Variants in TMEM63B observed in about 807,000 individuals in gnomAD.
TMEM63B encodes transmembrane protein 63B.
Under a neutral mutation model 102.6 loss-of-function variants are expected in TMEM63B, and 23 were observed. The observed-to-expected ratio is 0.22, with a 90% confidence interval of 0.16 to 0.32. The LOEUF (loss-of-function observed/expected upper bound fraction) is 0.32, where lower values mean the gene tolerates loss of function less well. Ranked by LOEUF, TMEM63B falls within the 10% of genes least tolerant of loss-of-function variation. The pLI, the probability that TMEM63B is intolerant of heterozygous loss-of-function variation, is 1.00. For synonymous variants in TMEM63B, 444 were observed against 437.0 expected (o/e 1.02, Z -0.20); for missense variants, 628 against 1,095.9 (o/e 0.57, Z 6.03).
At chr6:44,131,734 A>G (rs201584677) in intron 1 of TMEM63B, among the ~76,000 whole-genome samples, 43 of 146,844 alleles carry the variant, frequency 2.9e-4, no homozygotes, top group Non-Finnish European at 4.3e-4. Flanking sequence ...ATACACAACA[A>G]CCCCCCCAAA....
intron 4 of TMEM63B, 135 bp from the exon 5 acceptor site, chr6:44,136,214 C>A (rs1762918470): frequency 2.9e-6 from 2 of 686,524 alleles, no homozygotes; most frequent in Non-Finnish European, 5.2e-6. Context: ...GGCAGTCATT[C>A]CTCTCTGCTT....
At chr6:44,127,204 G>GGACCCCCCCCTCCCCGTCGC, upstream of TMEM63B, 1 of 145,154 alleles carries the variant, frequency 6.9e-6, no homozygotes, top group Non-Finnish European at 1.5e-5. Flanking sequence ...CTCCCCGTCG[G>GGACCCCCCCCTCCCCGTCGC]GACCCCTCCC....
At chr6:44,154,229 G>A (rs763603336) in intron 22 of TMEM63B, 41 bp downstream of exon 22, 3 of 1,606,814 alleles carry the variant, frequency 1.9e-6, no homozygotes, top group South Asian at 2.2e-5. Flanking sequence ...GCGGGCAGGA[G>A]CTCAAGGGGA....
chr6:44,146,977 G>A, intron 11 of TMEM63B, 50 bp downstream of exon 11: 1 of 1,591,258 alleles, frequency 6.3e-7, no homozygotes, highest in Non-Finnish European at 8.6e-7. Context: ...CCCTGCCATT[G>A]TGGAGGACAT....
rs1288874145 is a variant in TMEM63B, at chr6:44,139,726, T to C, written c.569T>C (p.Phe190Ser). The C allele has an allele frequency of 6.2e-7, 1 of 1,614,038 alleles. No homozygotes were observed. The highest frequency in any genetic ancestry group is 8.5e-7 in the Non-Finnish European group (1 of 1,180,012). Residue 190 changes from phenylalanine to serine, a missense_variant, in exon 8 of 24, where the codon TTT becomes TCT. Phe to Ser is a radical substitution (Grantham distance 155). Around this residue, in one of 6 missense-constraint regions of TMEM63B, gnomAD observed 336 missense variants for 580.3 expected, o/e 0.58. Transcript: ENST00000323267. ...GDLLENNAYS[F>S]GRTTIANLKS... ...CCCACAGAGAACAATGCCTACAGCT[T>C]TGGGAGAACCACCATTGCCAACTTG...
intron 23 of TMEM63B, 36 bp from the exon 24 acceptor site, chr6:44,154,656 C>T (rs779942913): frequency 2.0e-5 from 31 of 1,521,844 alleles, no homozygotes; most frequent in Non-Finnish European, 2.7e-5. Flanking sequence ...TGAGGGGCAG[C>T]TGTTCACCTT....
intron 10 of TMEM63B, among the ~76,000 whole-genome samples, chr6:44,142,356 C>T (rs1764456939): frequency 1.3e-5 from 2 of 149,974 alleles, no homozygotes; most frequent in Admixed American, 1.3e-4. Flanking sequence ...CTGGTGAAAC[C>T]TTGTCTCTAC....
chr6:44,134,919 C>A, intron 2 of TMEM63B, 98 bp from the exon 3 acceptor site: 2 of 1,517,384 alleles, frequency 1.3e-6, no homozygotes, highest in African/African-American at 1.4e-5. Context: ...AGGGTCATCC[C>A]CTTCTAAGAC....
chr6:44,149,257 A>C, intron 15 of TMEM63B: 1 of 445,278 alleles, frequency 2.2e-6, no homozygotes, highest in East Asian at 4.6e-5. Flanking sequence ...GAAAGGTTCA[A>C]CTAGATCAGT....
rs1285250790 is a variant in TMEM63B, at chr6:44,137,895, T to C, written c.370-585T>C. On this transcript the variant is annotated intron_variant, in intron 5 of 23. Transcript: ENST00000323267. The stretch of plus-strand genomic sequence containing the variant: ...TGTATTTTTAGTAAGAGACGGGGTG[T>C]CACCATGTTGGCCAGGCTGATCTCG... Among the ~76,000 whole-genome samples the C allele has an allele frequency of 2.0e-5, 3 of 152,020 alleles. No individual in the cohort carries two copies. In the East Asian group the frequency reaches 5.8e-4, roughly 29 times the overall value.
In TMEM63B at chr6:44,148,778, C is replaced by G. The variant is rs1765951034; in HGVS notation, c.1260-14C>G. 6.2e-7 allele frequency: 1 copy of G among 1,613,920 alleles called. No homozygotes were observed. Among genetic ancestry groups the G allele is most frequent in the African/African-American group, 1.3e-5 (1 of 74,874 alleles). On this transcript the variant is annotated splice_polypyrimidine_tract_variant and intron_variant, in intron 14 of 23. Coordinates refer to ENST00000323267, the MANE Select transcript of TMEM63B (RefSeq NM_018426.3). This position sits in a 1 kb window ranked among gnomAD's most constrained non-coding sequence, Gnocchi z 5.1. Reference sequence around the variant, plus strand: ...CCCTTGGTTCCTGGACTGACCGGTTCCCCACCTTGCCAGGGAGCACCTCTC... The same window carrying G: ...CCCTTGGTTCCTGGACTGACCGGTTGCCCACCTTGCCAGGGAGCACCTCTC...
At chr6:44,138,362 G>A (rs1763427402) in intron 5 of TMEM63B, 118 bp from the exon 6 acceptor site, 1 of 1,273,390 alleles carries the variant, frequency 7.9e-7, no homozygotes, top group Admixed American at 1.8e-5. Context: ...TTTTTTTTTA[G>A]TGAGGGGTGT....
intron 10 of TMEM63B, among the ~76,000 whole-genome samples, chr6:44,145,569 G>T (rs1765206278): frequency 6.6e-6 from 1 of 152,150 alleles, no homozygotes; most frequent in East Asian, 1.9e-4. Context: ...TCTAGCCCGG[G>T]TGACAGAGTG....
At chr6:44,151,242 A>G (rs1413229778) in intron 18 of TMEM63B, among the ~76,000 whole-genome samples, 1 of 152,084 alleles carries the variant, frequency 6.6e-6, no homozygotes, top group African/African-American at 2.4e-5. Context: ...GGAGTTCTGT[A>G]TGGGCATCTT....
At chr6:44,132,736 A>C (rs1762200748) in intron 1 of TMEM63B, among the ~76,000 whole-genome samples, 1 of 152,142 alleles carries the variant, frequency 6.6e-6, no homozygotes, top group African/African-American at 2.4e-5. Flanking sequence ...CCTCCTGGAC[A>C]CAGGTCCACA....
At position 44,148,226 on chromosome 6, in the gene TMEM63B, G is replaced by T. The variant is rs566968690; in HGVS notation, c.988-26G>T. 1 of 1,613,478 alleles carries T rather than the reference G, an allele frequency of 6.2e-7. No homozygotes were observed. Among genetic ancestry groups the T allele is most frequent in the South Asian group, 1.1e-5 (1 of 91,048 alleles). On this transcript the variant is annotated intron_variant, in intron 12 of 23. Coordinates refer to ENST00000323267, the MANE Select transcript of TMEM63B (RefSeq NM_018426.3). This position sits in a 1 kb window ranked among gnomAD's most constrained non-coding sequence, Gnocchi z 5.1. ...CCCCAGCCTGGCTTTCCAACTAGAGGCCCTGTCCCTAACCCTCCCACAAAG... is the reference window on the plus strand; with the variant it reads ...CCCCAGCCTGGCTTTCCAACTAGAGTCCCTGTCCCTAACCCTCCCACAAAG...
intron 1 of TMEM63B, among the ~76,000 whole-genome samples, chr6:44,130,671 G>A (rs1778091403): frequency 6.6e-6 from 1 of 151,246 alleles, no homozygotes; most frequent in African/African-American, 2.4e-5. Context: ...AGCTGGTCTC[G>A]AACTCCTGGG....
chr6:44,152,731 C>T lies in TMEM63B; in HGVS notation c.1942+33C>T. 1.3e-6 allele frequency: 2 copies of T among 1,554,420 alleles called. No homozygotes were observed. The highest frequency in any genetic ancestry group is 1.4e-5 in the African/African-American group (1 of 74,068). On this transcript the variant is annotated intron_variant, in intron 20 of 23. Coordinates refer to ENST00000323267, the MANE Select transcript of TMEM63B (RefSeq NM_018426.3). This position sits in a 1 kb window ranked among gnomAD's most constrained non-coding sequence, Gnocchi z 6.4. ...CCGCCGCGCCGGGACCTGGGCCCTG[C>T]TCGGGGGGACCCAGGACTTCACCCT...
chr6:44,147,252 C>T, intron 11 of TMEM63B, 125 bp from the exon 12 acceptor site: 1 of 1,496,468 alleles, frequency 6.7e-7, no homozygotes. Context: ...GATGTGGCCA[C>T]ATCTGAAACA....
Sources: gnomAD v4.1 joint callset for allele counts (sites outside exome capture counted in the v4.1 genomes callset) on GRCh38, gnomAD v4.1.1 for gene constraint, gnomAD v4.1.1 regional missense constraint, Gnocchi (gnomAD v3.1) non-coding constraint, MANE v1.5 for transcripts, NCBI Gene and HGNC (gene_info 2026-07-23, HGNC 2026-07-21) for gene names.